PADI2: variants seen among roughly 807,000 people sequenced by gnomAD.
PADI2 encodes the protein protein-arginine deiminase type-2.
A neutral mutation model predicts 81.1 loss-of-function variants in PADI2; 70 were observed. The observed-to-expected ratio is 0.86, with a 90% CI of 0.71 to 1.05. The LOEUF is 1.05. Among genes scored for constraint, PADI2 ranks in the 50% least tolerant of loss-of-function variants. The pLI, the probability that PADI2 is intolerant of heterozygous loss-of-function variation, is 0.00. For synonymous variants in PADI2, 338 were observed against 358.0 expected, an observed-to-expected ratio of 0.94 and a Z score of 0.63; for missense variants, 853 against 889.9, an observed-to-expected ratio of 0.96 and a Z score of 0.53.
chr1:17,103,097 G>GAGAGC, intron 2 of PADI2, 38 bp from the exon 3 acceptor site: 1 of 1,459,718 alleles, frequency 6.9e-7, no homozygotes, highest in Non-Finnish European at 9.6e-7. Context: ...AGAGAGAAAA[G>GAGAGC]AGAGCAGAGA....
At chr1:17,086,811 GA>G (rs1930481191) in intron 6 of PADI2, 112 bp from the exon 7 acceptor site, 1 of 851,988 alleles carries the variant, frequency 1.2e-6, no homozygotes, top group Non-Finnish European at 1.9e-6. Flanking sequence ...TAGACAGAGA[GA>G]AAAGCACAAG....
Position 17,103,039 on chromosome 1 carries a change from G to T in PADI2, c.297C>A (p.Asp99Glu), listed in dbSNP as rs369179315. 6.2e-7 allele frequency: 1 copy of T among 1,613,372 alleles called. No individual in the cohort carries two copies. The highest frequency in any genetic ancestry group is 2.2e-5 in the East Asian group (1 of 44,872). Residue 99 changes from aspartate (D) to glutamate (E), a missense_variant, in exon 3 of 16, where the codon GAC becomes GAA. By Grantham distance (45) the Asp-to-Glu change is conservative. Coordinates refer to ENST00000375486, the MANE Select transcript of PADI2 (RefSeq NM_007365.3). ...SSDKVTVNYY[D>E]EEGSIPIDQA... The stretch of plus-strand genomic sequence containing the variant: ...GGTCGATGGGAATGCTCCCTTCCTC[G>T]TCATAGTAGTTGACGGTGACCTTGG...
At chr1:17,076,148 A>G (rs12755767) in intron 11 of PADI2, among the ~76,000 whole-genome samples, 91,282 of 152,050 alleles carry the variant, frequency 0.6, 27,813 homozygotes, top group Middle Eastern at 0.7. Context: ...GGGCTAGGGC[A>G]CAGGAGGGCT....
chr1:17,084,831 G>A (rs1405127987), intron 7 of PADI2, 129 bp from the exon 8 acceptor site: 1 of 610,798 alleles, frequency 1.6e-6, no homozygotes, highest in Non-Finnish European at 2.9e-6. Context: ...CACCAAGCCT[G>A]TGCTAAGTAC....
chr1:17,079,833 C>T (rs1570981803), intron 10 of PADI2, among the ~76,000 whole-genome samples: 1 of 149,918 alleles, frequency 6.7e-6, no homozygotes, highest in Admixed American at 6.7e-5. Context: ...CTTGCTCTGT[C>T]GCCCAGGCTG....
chr1:17,080,586 G>A (rs1453559173), intron 10 of PADI2, among the ~76,000 whole-genome samples: 2 of 152,188 alleles, frequency 1.3e-5, no homozygotes, highest in Non-Finnish European at 2.9e-5. Flanking sequence ...ACCAATACAT[G>A]CAAAAGTGGC....
intron 1 of PADI2, among the ~76,000 whole-genome samples, chr1:17,117,174 T>A (rs1347736854): frequency 6.6e-6 from 1 of 152,202 alleles, no homozygotes; most frequent in East Asian, 1.9e-4. Flanking sequence ...TGGCTCACGG[T>A]GGCCAGTGAG....
At chr1:17,075,627 T>G in intron 12 of PADI2, 52 bp downstream of exon 12, 2 of 1,513,756 alleles carry the variant, frequency 1.3e-6, no homozygotes, top group Non-Finnish European at 1.8e-6. Flanking sequence ...GGGCGGGTAA[T>G]ATATTGGTTT....
intron 13 of PADI2, 52 bp from the exon 14 acceptor site, chr1:17,071,543 G>A: frequency 7.0e-7 from 1 of 1,419,924 alleles, no homozygotes; most frequent in South Asian, 1.2e-5. Context: ...CCCAGGCTGA[G>A]TGTTCCCCTT....
At chr1:17,102,166 C>T (rs147956257) in intron 3 of PADI2, among the ~76,000 whole-genome samples, 197 of 152,322 alleles carry the variant, frequency 1.3e-3, no homozygotes, top group African/African-American at 4.6e-3. Flanking sequence ...AATGTTAAAC[C>T]AAGGTTGGAT....
intron 15 of PADI2, among the ~76,000 whole-genome samples, chr1:17,069,679 A>G (rs12760872): frequency 0.52 from 79,195 of 151,944 alleles, 21,516 homozygotes; most frequent in Non-Finnish European, 0.61. Context: ...ATGTGTGTGT[A>G]TATATGTGTC....
intron 1 of PADI2, among the ~76,000 whole-genome samples, chr1:17,108,175 CTGACCTCAGG>C (rs377100716): frequency 0.011 from 1,723 of 152,214 alleles, 36 homozygotes; most frequent in African/African-American, 0.039. Context: ...TCTTGAACTC[CTGACCTCAGG>C]TGATCCACCC....
intron 2 of PADI2, among the ~76,000 whole-genome samples, chr1:17,103,363 T>C (rs978976085): frequency 6.6e-6 from 1 of 152,216 alleles, no homozygotes; most frequent in African/African-American, 2.4e-5. Flanking sequence ...GTTGCACGTC[T>C]AGTGCCCACT....
rs1262933410 is a variant in PADI2 at position 17,111,053 on chromosome 1, C to CATTCCCTG, written c.93-6000_93-5993dup. Among the ~76,000 whole-genome samples, 9 of 147,284 alleles carry CATTCCCTG rather than the reference C, an allele frequency of 6.1e-5. No individual in the cohort carries two copies. In the East Asian group the frequency reaches 1.6e-3, roughly 27 times the overall value. On this transcript the variant is annotated intron_variant, in intron 1 of 15. Coordinates refer to ENST00000375486, the MANE Select transcript of PADI2 (RefSeq NM_007365.3). ...GGGTAGATTAGTGAAAAAGCAAACACATTCCCTGGGCCCATGGAAAAGACA... is the reference window on the plus strand; with the variant it reads ...GGGTAGATTAGTGAAAAAGCAAACACATTCCCTGATTCCCTGGGCCCATGGAAAAGACA...
At chr1:17,114,377 C>T (rs1931686496) in intron 1 of PADI2, among the ~76,000 whole-genome samples, 1 of 152,110 alleles carries the variant, frequency 6.6e-6, no homozygotes, top group Non-Finnish European at 1.5e-5. Flanking sequence ...ACATAAGTAC[C>T]AGGAGGGCAG....
rs1931721360 is a variant in PADI2 at position 17,115,438 on chromosome 1, C to T, written c.92+3842G>A. On this transcript the variant is annotated intron_variant, in intron 1 of 15. Transcript: ENST00000375486. This position sits in a 1 kb window ranked among gnomAD's most constrained non-coding sequence, Gnocchi z 4.1. Reference sequence around the variant, plus strand: ...GGGAGGAAAAGAAGAGCCCTGCCTTCTCGAGAACTCTCACTGACAGAGGCA... The same window carrying T: ...GGGAGGAAAAGAAGAGCCCTGCCTTTTCGAGAACTCTCACTGACAGAGGCA... Among the ~76,000 whole-genome samples the T allele has an allele frequency of 6.6e-6, 1 of 152,250 alleles. No individual in the cohort carries two copies.
intron 1 of PADI2, among the ~76,000 whole-genome samples, chr1:17,118,349 A>G (rs1931826535): frequency 6.6e-6 from 1 of 152,012 alleles, no homozygotes; most frequent in Non-Finnish European, 1.5e-5. Flanking sequence ...GGAGGTTTTA[A>G]ATGCTTGGAA....
intron 4 of PADI2, among the ~76,000 whole-genome samples, chr1:17,094,954 A>T (rs1003780447): frequency 6.6e-6 from 1 of 152,144 alleles, no homozygotes; most frequent in Non-Finnish European, 1.5e-5. Context: ...AGAAGAAGGG[A>T]CTTCCCCACA....
intron 4 of PADI2, among the ~76,000 whole-genome samples, chr1:17,094,430 G>A (rs1028471331): frequency 6.6e-6 from 1 of 152,162 alleles, no homozygotes; most frequent in Admixed American, 6.5e-5. Flanking sequence ...ACCCTTCCTC[G>A]GTTACAGCAT....
Sources: allele counts gnomAD v4.1 joint callset (sites outside exome capture counted in the v4.1 genomes callset), GRCh38; gene constraint gnomAD v4.1.1; non-coding constraint Gnocchi (gnomAD v3.1); transcripts MANE v1.5; gene names NCBI Gene and HGNC (gene_info 2026-07-23, HGNC 2026-07-21).